Variants in CCDC117 observed in about 807,000 individuals in gnomAD.
CCDC117 encodes coiled-coil domain-containing protein 117.
CCDC117 carries 1 observed loss-of-function variant against 23.5 expected under a neutral mutation model. The observed-to-expected ratio is 0.04, with a 90% CI of 0.02 to 0.20. The LOEUF is 0.20. Ranked by LOEUF, CCDC117 falls within the 10% of genes least tolerant of loss-of-function variation. The pLI, the probability that CCDC117 is intolerant of heterozygous loss-of-function variation, is 1.00. For synonymous variants in CCDC117, 132 were observed against 124.8 expected (o/e 1.06, Z -0.39); for missense variants, 383 against 348.2 (o/e 1.10, Z -0.80).
At chr22:28,782,803 C>G (rs1244667299) in intron 3 of CCDC117, among the ~76,000 whole-genome samples, 1 of 152,100 alleles carries the variant, frequency 6.6e-6, no homozygotes, top group Non-Finnish European at 1.5e-5. Flanking sequence ...AGCTTCTGGC[C>G]TCAGGTGATC....
chr22:28,778,879 T>G (rs1228072801), intron 2 of CCDC117, among the ~76,000 whole-genome samples: 1 of 152,162 alleles, frequency 6.6e-6, no homozygotes, highest in Non-Finnish European at 1.5e-5. Context: ...AGGCATGAAA[T>G]AACTTAGTCT....
At chr22:28,773,193 A>G in intron 1 of CCDC117, 159 bp downstream of exon 1, 1 of 186,858 alleles carries the variant, frequency 5.4e-6, no homozygotes, top group African/African-American at 2.4e-5. Context: ...CAGTTTACAG[A>G]TGAAGAAACT....
intron 2 of CCDC117, among the ~76,000 whole-genome samples, chr22:28,777,909 C>G (rs998212009): frequency 6.7e-6 from 1 of 149,892 alleles, no homozygotes; most frequent in Admixed American, 6.7e-5. Context: ...GCAGTACAGT[C>G]GCACGATCAG....
At chr22:28,781,261 T>G in intron 3 of CCDC117, 89 bp downstream of exon 3, 1 of 702,274 alleles carries the variant, frequency 1.4e-6, no homozygotes, top group Non-Finnish European at 2.5e-6. Context: ...CATTTGGTGA[T>G]ACCTTGATCC....
At chr22:28,773,186 T>C (rs2031050556) in intron 1 of CCDC117, 152 bp downstream of exon 1, 1 of 197,804 alleles carries the variant, frequency 5.1e-6, no homozygotes, top group Non-Finnish European at 9.3e-6. Context: ...CGCAGCCCAG[T>C]TTACAGATGA....
chr22:28,777,034 G>GT (rs573843364), intron 2 of CCDC117, among the ~76,000 whole-genome samples: 2,386 of 128,376 alleles, frequency 0.019, 66 homozygotes, highest in African/African-American at 0.05. Context: ...TACTGTAGCT[G>GT]TTTTTTTTTT....
Position 28,786,548 on chromosome 22 carries a change from T to C in CCDC117, c.*222T>C. ...AGGGAAAAGCAGTTTTCTGTGGGGC[T>C]TATTAAAGGAATGTTGGTTTACATT... On this transcript the variant is annotated 3_prime_UTR_variant, in exon 5 of 5. Transcript: ENST00000249064. The C allele has an allele frequency of 2.0e-6, 1 of 501,580 alleles. No homozygotes were observed. Among genetic ancestry groups the C allele is most frequent in the South Asian group, 2.7e-5 (1 of 37,170 alleles). The allele number at this position is 501,580 out of a possible 1,614,324, so 31.1% of individuals were successfully genotyped here.
At chr22:28,783,467 CTAAA>C in intron 3 of CCDC117, 37 bp from the exon 4 acceptor site, 2 of 1,580,198 alleles carry the variant, frequency 1.3e-6, no homozygotes, top group South Asian at 1.2e-5. Flanking sequence ...AATAGCTTGA[CTAAA>C]TATTTTTTCT....
intron 2 of CCDC117, among the ~76,000 whole-genome samples, chr22:28,774,647 C>G (rs1185673162): frequency 6.6e-6 from 1 of 151,992 alleles, no homozygotes; most frequent in Non-Finnish European, 1.5e-5. Flanking sequence ...AGGTGTGAAC[C>G]GTCCCCCAGG....
intron 1 of CCDC117, 38 bp from the exon 2 acceptor site, chr22:28,773,687 A>T (rs1282415684): frequency 6.5e-7 from 1 of 1,544,928 alleles, no homozygotes; most frequent in African/African-American, 1.4e-5. Context: ...AAGCTCGAGT[A>T]CATTTCTTAA....
intron 3 of CCDC117, among the ~76,000 whole-genome samples, chr22:28,783,069 T>G (rs2031399637): frequency 1.3e-5 from 2 of 151,694 alleles, no homozygotes; most frequent in Non-Finnish European, 2.9e-5. Flanking sequence ...TGAGACGGAG[T>G]CTTGCTCTGT....
rs1249369310 is a variant in CCDC117 at position 28,772,907 on chromosome 22, C to T, written c.58C>T (p.Leu20=). 2.4e-6 allele frequency: 3 copies of T among 1,230,796 alleles called. No homozygotes were observed. The highest frequency in any genetic ancestry group is 3.0e-6 in the Non-Finnish European group (3 of 986,312). The allele number at this position is 1,230,796 out of a possible 1,614,324, so 76.2% of individuals were successfully genotyped here. ...CCCTCTGAGCGGCGGCTCGGACTTC[C>T]TGCAGCCGCCGCAGCCGGCCTTCCC... The part of the protein sequence containing the change: ...GLPLSGGSDF[L]QPPQPAFPGR... Residue 20 remains leucine, a synonymous_variant, in exon 1 of 5, where the codon CTG becomes TTG. Transcript: ENST00000249064.
chr22:28,778,311 A>G (rs1243679628), intron 2 of CCDC117, among the ~76,000 whole-genome samples: 5 of 151,378 alleles, frequency 3.3e-5, no homozygotes, highest in African/African-American at 9.7e-5. Flanking sequence ...AGTTCCCTTA[A>G]TTTAAAAATC....
In CCDC117 at chr22:28,789,187, G is replaced by T. The variant is rs558380392; in HGVS notation, c.*2861G>T. 2.0e-5 allele frequency: 3 copies of T among 152,230 alleles called. No individual in the cohort carries two copies. The highest frequency in any genetic ancestry group is 7.2e-5 in the African/African-American group (3 of 41,548). 9.4% of individuals were successfully genotyped at this position (152,230 alleles called of 1,614,324 possible). A position where few individuals can be genotyped will look rare whatever the true frequency, so the allele number is the denominator to read the frequency against. Reference sequence around the variant, plus strand: ...TTTGTTTTTCAATAGTGACAAGAATGGTTCAGTTCTAGGAATGTTCTGGAA... The same window carrying T: ...TTTGTTTTTCAATAGTGACAAGAATTGTTCAGTTCTAGGAATGTTCTGGAA... On this transcript the variant is annotated 3_prime_UTR_variant, in exon 5 of 5. Coordinates refer to ENST00000249064, the MANE Select transcript of CCDC117 (RefSeq NM_173510.4).
chr22:28,773,154 C>T, intron 1 of CCDC117, 120 bp downstream of exon 1: 1 of 284,902 alleles, frequency 3.5e-6, no homozygotes, highest in Non-Finnish European at 5.4e-6. Context: ...GACTCCCTCC[C>T]CACGGCCCTC....
Position 28,772,811 on chromosome 22 carries a change from G to A in CCDC117, c.-39G>A. On this transcript the variant is annotated 5_prime_UTR_variant, in exon 1 of 5. Transcript: ENST00000249064. ...GGCTGCCGGGCCTGGGGACGCGGGC[G>A]GCCGAGGCCGCCGTCGCAGCCTCCT... 1.6e-6 allele frequency: 2 copies of A among 1,218,908 alleles called. No homozygotes were observed. Among genetic ancestry groups the A allele is most frequent in the East Asian group, 3.3e-5 (1 of 30,642 alleles). The allele number at this position is 1,218,908 out of a possible 1,614,324, so 75.5% of individuals were successfully genotyped here.
chr22:28,784,230 ACTC>A (rs1011930699), intron 4 of CCDC117, among the ~76,000 whole-genome samples: 1 of 152,072 alleles, frequency 6.6e-6, no homozygotes, highest in Non-Finnish European at 1.5e-5. Flanking sequence ...AACAAACAAA[ACTC>A]CTAACAGGGA....
chr22:28,785,735 C>A (rs532522024), intron 4 of CCDC117, among the ~76,000 whole-genome samples: 1 of 152,034 alleles, frequency 6.6e-6, no homozygotes, highest in African/African-American at 2.4e-5. Context: ...TTGAAGTGTG[C>A]AATGTTATGT....
At position 28,773,787 on chromosome 22, in the gene CCDC117, C is replaced by T; in HGVS notation, c.239+9C>T. ...GAGGAGGAGGATGATGAGTAAGTTT[C>T]AGTGGTTGTTTATTCACTCTGTGGT... On this transcript the variant is annotated intron_variant, in intron 2 of 4. Coordinates refer to ENST00000249064, the MANE Select transcript of CCDC117 (RefSeq NM_173510.4). 1 of 1,611,000 alleles carries T rather than the reference C, an allele frequency of 6.2e-7. No individual in the cohort carries two copies. Among genetic ancestry groups the T allele is most frequent in the South Asian group, 1.1e-5 (1 of 91,030 alleles).
Sources: allele counts gnomAD v4.1 joint callset (sites outside exome capture counted in the v4.1 genomes callset), GRCh38; gene constraint gnomAD v4.1.1; transcripts MANE v1.5; gene names NCBI Gene and HGNC (gene_info 2026-07-23, HGNC 2026-07-21).